Variants in IRGM observed in about 807,000 individuals in gnomAD.
IRGM encodes immunity-related GTPase family M protein.
For missense variants in IRGM, 288 were observed against 219.9 expected (o/e 1.31, Z -1.96); for synonymous variants, 98 against 80.6 (o/e 1.22, Z -1.16).
intron 3 of IRGM, among the ~76,000 whole-genome samples, chr5:150,882,505 T>C (rs1409268174): frequency 6.6e-6 from 1 of 152,014 alleles, no homozygotes; most frequent in African/African-American, 2.4e-5. Context: ...GAAAGTCATA[T>C]GGAAAGAAAG....
chr5:150,896,266 A>G (rs1237644506), intron 3 of IRGM: 1 of 1,613,760 alleles, frequency 6.2e-7, no homozygotes, highest in South Asian at 1.1e-5. Context: ...GAACAATCAT[A>G]AGGTTTCTCC....
At chr5:150,885,999 A>T (rs1754516503) in intron 3 of IRGM, among the ~76,000 whole-genome samples, 1 of 152,106 alleles carries the variant, frequency 6.6e-6, no homozygotes, top group Non-Finnish European at 1.5e-5. Flanking sequence ...TTCAAGGAAG[A>T]TGTCTCCAGC....
At chr5:150,896,983 G>A (rs1168241682) in intron 3 of IRGM, 4 of 1,591,570 alleles carry the variant, frequency 2.5e-6, no homozygotes, top group Non-Finnish European at 2.6e-6. Context: ...TCTAAAAGAA[G>A]AAAAGATACA....
intron 1 of IRGM, among the ~76,000 whole-genome samples, chr5:150,859,188 G>A (rs1413299259): frequency 1.3e-5 from 2 of 152,312 alleles, no homozygotes; most frequent in Admixed American, 6.5e-5. Flanking sequence ...AGATAATGAT[G>A]TGGTTTTTGT....
In IRGM at chr5:150,847,113, A is replaced by C. The variant is rs940266872; in HGVS notation, c.-523A>C. Reference sequence around the variant, plus strand: ...CCTCTCCCTCACTTCAGTTGGGCCCAACATGACAGTCTTAATGGAAGCTCG... The same window carrying C: ...CCTCTCCCTCACTTCAGTTGGGCCCCACATGACAGTCTTAATGGAAGCTCG... On this transcript the variant is annotated 5_prime_UTR_variant, in exon 1 of 2. Transcript: ENST00000522154. The C allele has an allele frequency of 3.3e-5, 5 of 152,402 alleles. No individual in the cohort carries two copies. Among genetic ancestry groups the C allele is most frequent in the African/African-American group, 1.2e-4 (5 of 41,454 alleles). 9.4% of individuals were successfully genotyped at this position (152,402 alleles called of 1,614,324 possible).
At position 150,848,666 on chromosome 5, in the gene IRGM, C is replaced by T; in HGVS notation, c.543C>T (p.Tyr181=). The change falls in exon 2 of 2, where the codon TAC becomes TAT. Residue 181 remains tyrosine (Y), a synonymous_variant. Transcript: ENST00000522154. ...ENLQKERVCE[Y] is the part of the protein sequence containing the mutation. Reference sequence around the variant, plus strand: ...TCCAGAAGGAGCGGGTATGTGAATACTAATTCCTGTCTTCATTAAACATTT... The same window carrying T: ...TCCAGAAGGAGCGGGTATGTGAATATTAATTCCTGTCTTCATTAAACATTT... The T allele has an allele frequency of 6.6e-7, 1 of 1,517,414 alleles. No homozygotes were observed. The allele number at this position is 1,517,414 out of a possible 1,614,324, so 94.0% of individuals were successfully genotyped here. A position where few individuals can be genotyped will look rare whatever the true frequency, so the allele number is the denominator to read the frequency against.
At chr5:150,882,531 A>T (rs1483917374) in intron 3 of IRGM, among the ~76,000 whole-genome samples, 1 of 152,204 alleles carries the variant, frequency 6.6e-6, no homozygotes, top group Non-Finnish European at 1.5e-5. Flanking sequence ...GGATGAAAAA[A>T]GATAAACCAT....
At chr5:150,897,984 A>C in intron 3 of IRGM, 6 of 1,514,894 alleles carry the variant, frequency 4.0e-6, no homozygotes, top group Non-Finnish European at 5.3e-6. Flanking sequence ...AGCAAAGAAT[A>C]GGAGATTTTG....
intron 1 of IRGM, among the ~76,000 whole-genome samples, chr5:150,859,574 G>T (rs1342415009): frequency 6.6e-6 from 1 of 152,078 alleles, no homozygotes; most frequent in Non-Finnish European, 1.5e-5. Flanking sequence ...TTTTTGGTTG[G>T]TAAGCTATTG....
At position 150,896,003 on chromosome 5, in the gene IRGM, G is replaced by A. The variant is rs558818519; in HGVS notation, c.*141-4586G>A. 158 of 1,613,102 alleles carry A rather than the reference G, an allele frequency of 9.8e-5. No individual in the cohort carries two copies. The South Asian group carries it at 1.0e-3, about 11-fold the overall frequency. The stretch of plus-strand genomic sequence containing the variant: ...TCTCACAGAAGGCTTTCCCACATTC[G>A]GTACACTCATACGGCTTCTCTCCAG... On this transcript the variant is annotated intron_variant and NMD_transcript_variant, in intron 3 of 3. Transcript: ENST00000520549.
intron 3 of IRGM, chr5:150,895,793 T>C (rs145921774): frequency 2.0e-4 from 330 of 1,613,546 alleles, no homozygotes; most frequent in Non-Finnish European, 2.6e-4. Context: ...TTCTCTGATG[T>C]ATGATGAGCT....
At chr5:150,897,708 C>G (rs78713819) in intron 3 of IRGM, 11,228 of 253,402 alleles carry the variant, frequency 0.044, 328 homozygotes, top group East Asian at 0.14. Context: ...TCTCTTTAGA[C>G]TCTTAATTTT....
In IRGM at chr5:150,854,291, A is replaced by AT. The variant is rs1754016750; in HGVS notation, c.158+5642dup. 2.0e-5 allele frequency among the ~76,000 whole-genome samples: 3 copies of AT among 152,092 alleles called. No homozygotes were observed. In the South Asian group the frequency reaches 6.2e-4, roughly 31 times the overall value. On this transcript the variant is annotated intron_variant and NMD_transcript_variant, in intron 1 of 3. Transcript: ENST00000520549. ...TACCTATTAACATGGATTTATAATT[A>AT]TTTTTGTGAATTTGCCTTTTAAATT... is the stretch of plus-strand genomic sequence containing the variant.
At chr5:150,875,479 G>A (rs576421269) in intron 1 of IRGM, among the ~76,000 whole-genome samples, 28 of 152,328 alleles carry the variant, frequency 1.8e-4, no homozygotes, top group African/African-American at 6.7e-4. Context: ...AAATAGGTAT[G>A]TGGATGGACC....
chr5:150,853,539 T>C (rs1251828880), downstream of IRGM, among the ~76,000 whole-genome samples: 1 of 152,150 alleles, frequency 6.6e-6, no homozygotes, highest in East Asian at 1.9e-4. Flanking sequence ...CTATTTGTTC[T>C]CTCCAATTTT....
chr5:150,887,571 T>C (rs780672750), intron 3 of IRGM, among the ~76,000 whole-genome samples: 2 of 150,222 alleles, frequency 1.3e-5, no homozygotes, highest in Non-Finnish European at 3.0e-5. Flanking sequence ...ACAATTAAAT[T>C]CAGGAACTAC....
chr5:150,895,742 G>A (rs761088016), intron 3 of IRGM: 1 of 1,613,430 alleles, frequency 6.2e-7, no homozygotes, highest in Middle Eastern at 1.7e-4. Context: ...AGAAGGCTTT[G>A]CCACATTCAC....
chr5:150,892,033 A>G (rs1316994490), intron 3 of IRGM, among the ~76,000 whole-genome samples: 5 of 152,086 alleles, frequency 3.3e-5, no homozygotes, highest in Non-Finnish European at 7.4e-5. Context: ...CACATCCCCA[A>G]TGTTCTGCAG....
Position 150,848,092 on chromosome 5 carries a change from C to T in IRGM, c.-32C>T, listed in dbSNP as rs1050459732. ...CTGGGATTACAGGCATGAGCCACGG[C>T]GCCTGGCCAGCATTGGGGTATTTTA... is the stretch of plus-strand genomic sequence containing the variant. On this transcript the variant is annotated 5_prime_UTR_variant, in exon 2 of 2. Transcript: ENST00000522154. 9.3e-6 allele frequency: 14 copies of T among 1,503,702 alleles called. No homozygotes were observed. Among genetic ancestry groups the T allele is most frequent in the Middle Eastern group, 1.7e-4 (1 of 5,726 alleles). 93.1% of individuals were successfully genotyped at this position (1,503,702 alleles called of 1,614,324 possible).
Sources: gnomAD v4.1 joint callset for allele counts (sites outside exome capture counted in the v4.1 genomes callset) on GRCh38, gnomAD v4.1.1 for gene constraint, MANE v1.5 for transcripts, NCBI Gene and HGNC (gene_info 2026-07-23, HGNC 2026-07-21) for gene names.